Variants in ATP8B4 observed in about 807,000 individuals in gnomAD.
ATP8B4 encodes probable phospholipid-transporting ATPase IM.
ATP8B4 carries 133 observed loss-of-function variants against 145.6 expected under a neutral mutation model. The observed-to-expected ratio is 0.91, with a 90% CI of 0.79 to 1.05. The LOEUF (loss-of-function observed/expected upper bound fraction) is 1.05, where lower values mean the gene tolerates loss of function less well. Ranked by LOEUF, ATP8B4 falls within the 50% of genes least tolerant of loss-of-function variation. The probability of loss-of-function intolerance (pLI) is 0.00; values close to 1 mark genes in which losing one functional copy is unlikely to be tolerated. For missense variants in ATP8B4, 1,458 were observed against 1,425.2 expected, an observed-to-expected ratio of 1.02 and a Z score of -0.37; for synonymous variants, 507 against 492.9, an observed-to-expected ratio of 1.03 and a Z score of -0.38.
At chr15:49,974,565 T>C (rs1308014115) in intron 12 of ATP8B4, among the ~76,000 whole-genome samples, 1 of 152,110 alleles carries the variant, frequency 6.6e-6, no homozygotes, top group Non-Finnish European at 1.5e-5. Context: ...CAATATGAGT[T>C]TTCTCTTTCT....
In ATP8B4 at chr15:49,858,707, G is replaced by A. The variant is rs1219605155; in HGVS notation, c.*1487C>T. 2.0e-5 allele frequency: 3 copies of A among 152,056 alleles called. No homozygotes were observed. Among genetic ancestry groups the A allele is most frequent in the Admixed American group, 6.6e-5 (1 of 15,260 alleles). The allele number at this position is 152,056 out of a possible 1,614,324, so 9.4% of individuals were successfully genotyped here. A position where few individuals can be genotyped will look rare whatever the true frequency, so the allele number is the denominator to read the frequency against. On this transcript the variant is annotated 3_prime_UTR_variant, in exon 28 of 28. Transcript: ENST00000284509. The stretch of plus-strand genomic sequence containing the variant: ...TTCTGGTAGAGAAATGTACCTCCAC[G>A]GTTATAATTTTATTTCCCTGTAGGA...
At chr15:50,066,352 CAACT>C (rs1402263150) in intron 3 of ATP8B4, among the ~76,000 whole-genome samples, 5 of 152,080 alleles carry the variant, frequency 3.3e-5, no homozygotes, top group African/African-American at 1.2e-4. Flanking sequence ...AAAAAAGCAA[CAACT>C]AACAACCAGA....
intron 1 of ATP8B4, among the ~76,000 whole-genome samples, chr15:50,177,228 A>G (rs1279953537): frequency 6.6e-6 from 1 of 152,228 alleles, no homozygotes; most frequent in Non-Finnish European, 1.5e-5. Context: ...GGCCCTGTGC[A>G]TTAGGTGCCT....
intron 26 of ATP8B4, 63 bp from the exon 27 acceptor site, chr15:49,862,438 G>A: frequency 6.5e-7 from 1 of 1,543,630 alleles, no homozygotes. Context: ...TTAATTAATA[G>A]GTTCTTTGTT....
Position 49,910,836 on chromosome 15 carries a change from T to C in ATP8B4, c.2141+6098A>G, listed in dbSNP as rs80196849. ...AATTACCCTCTTTGGGGAAATAAAG[T>C]CTTTCCCAGACAAGCAAAAACTAAG... On this transcript the variant is annotated intron_variant, in intron 20 of 27. Transcript: ENST00000284509. 2.9e-3 allele frequency among the ~76,000 whole-genome samples: 438 copies of C among 152,220 alleles called. 2 individuals carry two copies. Among genetic ancestry groups the C allele is most frequent in the African/African-American group, 0.01 (422 of 41,530 alleles).
At chr15:50,045,986 T>C (rs1419242345) in intron 4 of ATP8B4, among the ~76,000 whole-genome samples, 11 of 152,232 alleles carry the variant, frequency 7.2e-5, no homozygotes, top group Admixed American at 7.2e-4. Flanking sequence ...TCATTGTTTG[T>C]TTTTGTTTTC....
intron 2 of ATP8B4, 123 bp from the exon 3 acceptor site, chr15:50,074,308 T>C: frequency 1.2e-6 from 1 of 816,656 alleles, no homozygotes; most frequent in Non-Finnish European, 1.9e-6. Context: ...TCTTTCAAAT[T>C]TGAAGGTATT....
In ATP8B4 at chr15:49,862,335, A is replaced by G. The variant is rs1232437091; in HGVS notation, c.3207T>C (p.Leu1069=). The G allele has an allele frequency of 3.7e-6, 6 of 1,613,728 alleles. No homozygotes were observed. In the African/African-American group the frequency reaches 6.7e-5, roughly 18 times the overall value. The stretch of plus-strand genomic sequence containing the variant: ...AAGCCACTGTTGTTAAGAGAATTAC[A>G]AGCCAGATGCACTTCTGGGTCAGGG... ...RHSLTQKCIW[L]VILLTTVASV... Residue 1069 remains leucine, a synonymous_variant, in exon 27 of 28, where the codon CTT becomes CTC. Coordinates refer to ENST00000284509, the MANE Select transcript of ATP8B4 (RefSeq NM_024837.4).
intron 2 of ATP8B4, among the ~76,000 whole-genome samples, chr15:50,090,758 AT>A (rs879795453): frequency 6.3e-4 from 93 of 147,036 alleles, no homozygotes; most frequent in Non-Finnish European, 6.2e-4. Flanking sequence ...TTGAAATGTG[AT>A]TTTTTTTTTT....
intron 2 of ATP8B4, among the ~76,000 whole-genome samples, chr15:50,079,013 T>C (rs1393989805): frequency 6.6e-6 from 1 of 152,220 alleles, no homozygotes; most frequent in Non-Finnish European, 1.5e-5. Context: ...ACCTACTATT[T>C]GACAGCAAAC....
At chr15:50,086,227 T>A (rs1245523707) in intron 2 of ATP8B4, among the ~76,000 whole-genome samples, 1 of 106,724 alleles carries the variant, frequency 9.4e-6, no homozygotes, top group Non-Finnish European at 1.7e-5. Context: ...ATATTTATTA[T>A]ATATAATAAA....
At chr15:50,001,991 A>G (rs2047929822) in intron 8 of ATP8B4, among the ~76,000 whole-genome samples, 162 bp downstream of exon 8, 2 of 152,348 alleles carry the variant, frequency 1.3e-5, no homozygotes, top group South Asian at 2.1e-4. Flanking sequence ...TTAAGAGAAA[A>G]AACAGTTTCA....
intron 6 of ATP8B4, among the ~76,000 whole-genome samples, chr15:50,017,994 T>TC (rs1385479585): frequency 7.1e-6 from 1 of 139,940 alleles, no homozygotes; most frequent in Non-Finnish European, 1.5e-5. Context: ...TTTTTTTCTT[T>TC]TTTTTTTTTT....
At chr15:49,881,676 G>A (rs1168820763) in intron 23 of ATP8B4, among the ~76,000 whole-genome samples, 1 of 152,206 alleles carries the variant, frequency 6.6e-6, no homozygotes, top group African/African-American at 2.4e-5. Context: ...GAACAGACTG[G>A]AAAAGCTGGC....
intron 14 of ATP8B4, among the ~76,000 whole-genome samples, chr15:49,942,955 C>G (rs1416521846): frequency 6.6e-6 from 1 of 152,016 alleles, no homozygotes; most frequent in Admixed American, 6.6e-5. Context: ...TCTACAAGCT[C>G]AAGAAAATGA....
At chr15:50,007,959 A>T (rs2048436193) in intron 7 of ATP8B4, among the ~76,000 whole-genome samples, 1 of 152,192 alleles carries the variant, frequency 6.6e-6, no homozygotes, top group Non-Finnish European at 1.5e-5. Context: ...GGCCAACAGA[A>T]CTACATTTGT....
chr15:49,908,205 A>T, intron 20 of ATP8B4: 2 of 417,614 alleles, frequency 4.8e-6, no homozygotes, highest in Admixed American at 5.2e-5. Context: ...TAAAATCTAG[A>T]TCTGTTTGCA....
chr15:49,918,753 A>T, intron 19 of ATP8B4, 86 bp downstream of exon 19: 1 of 946,500 alleles, frequency 1.1e-6, no homozygotes, highest in Non-Finnish European at 1.7e-6. Flanking sequence ...ATATTTAATT[A>T]ATTAACCTTT....
chr15:49,973,419 T>C (rs964116591), intron 12 of ATP8B4, among the ~76,000 whole-genome samples: 4 of 152,192 alleles, frequency 2.6e-5, no homozygotes, highest in Admixed American at 2.6e-4. Context: ...GTTTGTCTTA[T>C]GTCTGATCTA....
Sources: allele counts gnomAD v4.1 joint callset (sites outside exome capture counted in the v4.1 genomes callset), GRCh38; gene constraint gnomAD v4.1.1; transcripts MANE v1.5; gene names NCBI Gene and HGNC (gene_info 2026-07-23, HGNC 2026-07-21).